MARK1: variants seen among roughly 807,000 people sequenced by gnomAD.
MARK1 encodes the protein serine/threonine-protein kinase MARK1.
In MARK1, 40 loss-of-function variants were observed where a neutral mutation model predicts 96.3. The ratio of observed to expected loss-of-function variants is 0.42; its 90% CI spans 0.32 to 0.54. The LOEUF is 0.54. MARK1 is among the 20% of genes least tolerant of loss of function. The pLI is 0.16. For synonymous variants in MARK1, 317 were observed against 341.2 expected (o/e 0.93, Z 0.78); for missense variants, 719 against 984.6 (o/e 0.73, Z 3.61).
At position 220,618,839 on chromosome 1, in the gene MARK1, C is replaced by G; in HGVS notation, c.909+84C>G. ...GAAGAGCATTTTTCTCCTATGTTTTCTTAGGAAAATTGCCAAATTATCTAA... is the reference window on the plus strand; with the variant it reads ...GAAGAGCATTTTTCTCCTATGTTTTGTTAGGAAAATTGCCAAATTATCTAA... On this transcript the variant is annotated intron_variant, in intron 9 of 17. Coordinates refer to ENST00000366917, the MANE Select transcript of MARK1 (RefSeq NM_018650.5). The surrounding 1 kb of genome is among the most constrained non-coding windows in gnomAD (Gnocchi z 4.6). 1 of 1,265,752 alleles carries G rather than the reference C, an allele frequency of 7.9e-7. No individual in the cohort carries two copies. The highest frequency in any genetic ancestry group is 1.1e-6 in the Non-Finnish European group (1 of 939,640). 78.4% of individuals were successfully genotyped at this position (1,265,752 alleles called of 1,614,324 possible).
intron 9 of MARK1, among the ~76,000 whole-genome samples, chr1:220,628,661 C>G (rs1667489228): frequency 1.3e-5 from 2 of 152,128 alleles, no homozygotes; most frequent in Non-Finnish European, 2.9e-5. Flanking sequence ...CATTCTTACA[C>G]TATTCATTCT....
chr1:220,555,460 A>G (rs991993654), intron 1 of MARK1, among the ~76,000 whole-genome samples: 75 of 152,298 alleles, frequency 4.9e-4, no homozygotes, highest in Admixed American at 6.5e-4. Context: ...GATGATGACA[A>G]CTTGGTCTAA....
intron 2 of MARK1, among the ~76,000 whole-genome samples, chr1:220,580,359 C>G (rs760540161): frequency 6.6e-6 from 1 of 151,926 alleles, no homozygotes; most frequent in Non-Finnish European, 1.5e-5. Flanking sequence ...TGGTGTGCAA[C>G]TGTAGCTACT....
intron 13 of MARK1, among the ~76,000 whole-genome samples, chr1:220,645,217 C>G (rs1164682494): frequency 2.6e-5 from 4 of 151,888 alleles, no homozygotes; most frequent in Non-Finnish European, 5.9e-5. Flanking sequence ...TAAGCACAAT[C>G]AAATGATAAG....
chr1:220,659,428 C>A (rs905581568), intron 17 of MARK1, among the ~76,000 whole-genome samples: 1 of 152,184 alleles, frequency 6.6e-6, no homozygotes, highest in Non-Finnish European at 1.5e-5. Context: ...CCACCACTTA[C>A]CTTACTGTGT....
At chr1:220,531,759 A>T (rs932234945) in intron 1 of MARK1, among the ~76,000 whole-genome samples, 5 of 152,208 alleles carry the variant, frequency 3.3e-5, no homozygotes, top group African/African-American at 1.2e-4. Flanking sequence ...AACGGGCTAA[A>T]TACAACAGGA....
At position 220,635,510 on chromosome 1, in the gene MARK1, G is replaced by A. The variant is rs769224362; in HGVS notation, c.1257G>A (p.Gln419=). The A allele has an allele frequency of 1.2e-6, 2 of 1,610,172 alleles. No individual in the cohort carries two copies. Among genetic ancestry groups the A allele is most frequent in the Non-Finnish European group, 1.7e-6 (2 of 1,179,138 alleles). The change falls in exon 12 of 18, where the codon CAG becomes CAA. Residue 419 remains glutamine (Q), a synonymous_variant. Transcript: ENST00000366917. ...GAAGTATCTCAGCAAATCAGAAGCA[G>A]CGGCGTTTCAGTGATCATGGTAGGG... ...VQRSISANQK[Q]RRFSDHAGPS... is the part of the protein sequence containing the mutation.
rs1233598958 is a variant in MARK1 at position 220,654,561 on chromosome 1, G to T, written c.1988+1209G>T. ...CATTGGGGCAATTACTATGCAGCAT[G>T]AAACTTGCTAGAGAAAGAACTAAAA... On this transcript the variant is annotated intron_variant, in intron 16 of 17. Coordinates refer to ENST00000366917, the MANE Select transcript of MARK1 (RefSeq NM_018650.5). This position sits in a 1 kb window ranked among gnomAD's most constrained non-coding sequence, Gnocchi z 4.0. 1.3e-5 allele frequency among the ~76,000 whole-genome samples: 2 copies of T among 152,198 alleles called. No homozygotes were observed. The highest frequency in any genetic ancestry group is 2.4e-5 in the African/African-American group (1 of 41,450).
chr1:220,649,907 G>A (rs1668780694), intron 13 of MARK1, among the ~76,000 whole-genome samples: 1 of 152,200 alleles, frequency 6.6e-6, no homozygotes, highest in Non-Finnish European at 1.5e-5. Flanking sequence ...CTGGTGAGTA[G>A]TCAAGGATTT....
At chr1:220,534,241 CAAATT>C (rs1420718308) in intron 1 of MARK1, among the ~76,000 whole-genome samples, 1 of 151,908 alleles carries the variant, frequency 6.6e-6, no homozygotes, top group African/African-American at 2.4e-5. Context: ...TTCATATAAT[CAAATT>C]AAGGCAATTG....
chr1:220,649,234 T>C (rs2103047977), intron 13 of MARK1, among the ~76,000 whole-genome samples: 1 of 152,158 alleles, frequency 6.6e-6, no homozygotes, highest in Middle Eastern at 3.4e-3. Flanking sequence ...AGTCTTTTTT[T>C]TTTTTGGGGG....
At chr1:220,587,066 C>T (rs1268063700) in intron 3 of MARK1, among the ~76,000 whole-genome samples, 1 of 152,082 alleles carries the variant, frequency 6.6e-6, no homozygotes, top group Non-Finnish European at 1.5e-5. Flanking sequence ...GTCTTTCCTA[C>T]CTAGAAATAA....
intron 6 of MARK1, among the ~76,000 whole-genome samples, chr1:220,614,075 A>G (rs917960569): frequency 6.6e-6 from 1 of 152,030 alleles, no homozygotes; most frequent in Non-Finnish European, 1.5e-5. Flanking sequence ...TGGTGTGAAC[A>G]TGGCATACTG....
At chr1:220,631,504 A>C (rs1558310889) in intron 10 of MARK1, among the ~76,000 whole-genome samples, 1 of 152,180 alleles carries the variant, frequency 6.6e-6, no homozygotes, top group African/African-American at 2.4e-5. Context: ...GCACCGAATT[A>C]AGAGTTGAAC....
intron 1 of MARK1, among the ~76,000 whole-genome samples, chr1:220,573,338 T>A (rs557325109): frequency 2.4e-4 from 37 of 152,260 alleles, no homozygotes; most frequent in African/African-American, 8.4e-4. Flanking sequence ...TTATTTATTT[T>A]TTTGAGATGG....
chr1:220,619,573 A>G (rs1410947351), intron 9 of MARK1, among the ~76,000 whole-genome samples: 1 of 152,200 alleles, frequency 6.6e-6, no homozygotes, highest in Non-Finnish European at 1.5e-5. Context: ...CAGGCATTTC[A>G]TTTCTTAGCA....
rs1004637981 is a variant in MARK1, at chr1:220,528,726, C to A, written c.-97C>A. On this transcript the variant is annotated 5_prime_UTR_variant, in exon 1 of 18. Coordinates refer to ENST00000366917, the MANE Select transcript of MARK1 (RefSeq NM_018650.5). ...GCCTGCGGGAGCCGCTCGCCCCGGCCTTGTGCTCGCGTCCGCACCCCTTTC... is the reference window on the plus strand; with the variant it reads ...GCCTGCGGGAGCCGCTCGCCCCGGCATTGTGCTCGCGTCCGCACCCCTTTC... 24 of 1,176,504 alleles carry A rather than the reference C, an allele frequency of 2.0e-5. No individual in the cohort carries two copies. Among genetic ancestry groups the A allele is most frequent in the Admixed American group, 1.1e-4 (4 of 37,396 alleles). The allele number at this position is 1,176,504 out of a possible 1,614,324, so 72.9% of individuals were successfully genotyped here.
chr1:220,579,472 T>C lies in MARK1; in HGVS notation c.170T>C (p.Ile57Thr). ...TCAGCAACAGATGAACAGCCTCACA[T>C]TGGAAATTACCGTTTACAAAAAACA... The part of the protein sequence containing the change: ...ITSATDEQPH[I>T]GNYRLQKTIG... Residue 57 changes from isoleucine to threonine, a missense_variant, in exon 2 of 18, where the codon ATT (isoleucine) becomes ACT (threonine). By Grantham distance (89) the Ile-to-Thr change is moderately conservative (BLOSUM62 -1). Around this residue, in one of 4 missense-constraint regions of MARK1, gnomAD observed 105 missense variants for 133.4 expected, o/e 0.79. Coordinates refer to ENST00000366917, the MANE Select transcript of MARK1 (RefSeq NM_018650.5). 5 of 1,614,082 alleles carry C rather than the reference T, an allele frequency of 3.1e-6. No individual in the cohort carries two copies. Among genetic ancestry groups the C allele is most frequent in the Non-Finnish European group, 4.2e-6 (5 of 1,179,978 alleles).
intron 1 of MARK1, among the ~76,000 whole-genome samples, chr1:220,561,045 G>A (rs1017990795): frequency 2.6e-5 from 4 of 152,160 alleles, no homozygotes; most frequent in African/African-American, 9.7e-5. Flanking sequence ...AGTGTGGAAA[G>A]CAGGGAAGTT....
Sources: gnomAD v4.1 joint callset for allele counts (sites outside exome capture counted in the v4.1 genomes callset) on GRCh38, gnomAD v4.1.1 for gene constraint, gnomAD v4.1.1 regional missense constraint, Gnocchi (gnomAD v3.1) non-coding constraint, MANE v1.5 for transcripts, NCBI Gene and HGNC (gene_info 2026-07-23, HGNC 2026-07-21) for gene names.